WDR81: variants seen among roughly 807,000 people sequenced by gnomAD.
The protein encoded by WDR81 is WD repeat-containing protein 81.
Under a neutral mutation model 140.8 loss-of-function variants are expected in WDR81, and 92 were observed. That is an observed-to-expected ratio of 0.65 (90% CI 0.55 to 0.78). WDR81 has a LOEUF of 0.78. Ranked by LOEUF, WDR81 falls within the 30% of genes least tolerant of loss-of-function variation. The pLI is 0.00. For missense variants in WDR81, 2,502 were observed against 2,636.4 expected, an observed-to-expected ratio of 0.95 and a Z score of 1.12; for synonymous variants, 1,183 against 1,156.4, an observed-to-expected ratio of 1.02 and a Z score of -0.47.
Position 1,725,867 on chromosome 17 carries a change from T to C in WDR81, c.908T>C (p.Leu303Pro). The change falls in exon 1 of 10, where the codon CTG becomes CCG. Residue 303 changes from leucine (L) to proline (P), a missense_variant. Leu to Pro is a moderately conservative substitution (Grantham distance 98). Around this residue, in one of 3 missense-constraint regions of WDR81, gnomAD observed 547 missense variants for 513.8 expected, o/e 1.06. Coordinates refer to ENST00000409644, the MANE Select transcript of WDR81 (RefSeq NM_001163809.2). The part of the protein sequence containing the change: ...EKLCSELRLD[L>P]SAYERPEEDE... ...CTTTGCAGCGAGCTGCGACTGGACCTGAGTGCTTATGAGAGGCCCGAGGAG... is the reference window on the plus strand; with the variant it reads ...CTTTGCAGCGAGCTGCGACTGGACCCGAGTGCTTATGAGAGGCCCGAGGAG... The C allele has an allele frequency of 1.9e-6, 3 of 1,550,728 alleles. No individual in the cohort carries two copies. The highest frequency in any genetic ancestry group is 2.6e-6 in the Non-Finnish European group (3 of 1,146,860).
In WDR81 at chr17:1,727,420, G is replaced by A. The variant is rs572270076; in HGVS notation, c.2461G>A (p.Val821Met). Residue 821 changes from valine (V) to methionine (M), a missense_variant, in exon 1 of 10, where the codon GTG (valine) becomes ATG (methionine). Coordinates refer to ENST00000409644, the MANE Select transcript of WDR81 (RefSeq NM_001163809.2). ...GGAGGTCCCTGTGTCTTTGCAGCCC[G>A]TGCTGGACACACTCCTGCAGATGAG... The part of the protein sequence containing the change: ...PKEVPVSLQP[V>M]LDTLLQMSGP... The A allele has an allele frequency of 2.8e-5, 44 of 1,550,372 alleles. No homozygotes were observed. The South Asian group carries it at 3.1e-4, about 11-fold the overall frequency.
chr17:1,719,472 C>T (rs1914749154), intron 1 of WDR81, among the ~76,000 whole-genome samples: 1 of 151,500 alleles, frequency 6.6e-6, no homozygotes, highest in African/African-American at 2.4e-5. Flanking sequence ...GGCGTGAACC[C>T]AGGAGGCGGA....
At chr17:1,737,305 G>A in intron 9 of WDR81, 60 bp from the exon 10 acceptor site, 1 of 1,499,126 alleles carries the variant, frequency 6.7e-7, no homozygotes, top group Non-Finnish European at 8.9e-7. Context: ...GAAGGCCTTG[G>A]GGCCCAAGGG....
rs764895786 is a variant in WDR81, at chr17:1,730,435, C to T, written c.3723C>T (p.Ala1241=). 3 of 1,613,186 alleles carry T rather than the reference C, an allele frequency of 1.9e-6. No homozygotes were observed. Among genetic ancestry groups the T allele is most frequent in the East Asian group, 4.5e-5 (2 of 44,892 alleles). ...CTGCCAAGCTCGGCCCCACAGTGGC[C>T]TCTCGCCACGTGGCCCGGAACCTGC... ...WLSAKLGPTV[A]SRHVARNLLR... Residue 1241 remains alanine (A), a synonymous_variant, in exon 2 of 10, where the codon GCC becomes GCT. Transcript: ENST00000409644.
At position 1,735,853 on chromosome 17, in the gene WDR81, A is replaced by G; in HGVS notation, c.5325+136A>G. ...GTTTCTCTTTGGTGCTAGATCACCC[A>G]CAGCCACACATCCTGCGGGGCAGGA... On this transcript the variant is annotated intron_variant, in intron 8 of 9. Coordinates refer to ENST00000409644, the MANE Select transcript of WDR81 (RefSeq NM_001163809.2). The surrounding 1 kb of genome is among the most constrained non-coding windows in gnomAD (Gnocchi z 4.2). 1 of 1,377,900 alleles carries G rather than the reference A, an allele frequency of 7.3e-7. No homozygotes were observed. 85.4% of individuals were successfully genotyped at this position (1,377,900 alleles called of 1,614,324 possible).
Position 1,735,902 on chromosome 17 carries a change from G to T in WDR81, c.5326-137G>T, listed in dbSNP as rs574354561. On this transcript the variant is annotated intron_variant, in intron 8 of 9. Transcript: ENST00000409644. The surrounding 1 kb of genome is among the most constrained non-coding windows in gnomAD (Gnocchi z 4.2). ...GACTCTGGCCTGTGATGGGGGTGGG[G>T]TTCTGGGCTTTTCATGCCCCCTGAT... 2.7e-5 allele frequency: 37 copies of T among 1,393,112 alleles called. No individual in the cohort carries two copies. The African/African-American group carries it at 5.3e-4, about 20-fold the overall frequency. The allele number at this position is 1,393,112 out of a possible 1,614,324, so 86.3% of individuals were successfully genotyped here.
In WDR81 at chr17:1,725,390, C is replaced by T. The variant is rs1368406530; in HGVS notation, c.431C>T (p.Ala144Val). 5.8e-6 allele frequency: 9 copies of T among 1,549,476 alleles called. No homozygotes were observed. In the South Asian group the frequency reaches 1.1e-4, roughly 18 times the overall value. ...ACTCGCTTCATGCAGGAGGTTGCCGCCCAGAATTATCGCAACCTGTGGCGC... is the reference window on the plus strand; with the variant it reads ...ACTCGCTTCATGCAGGAGGTTGCCGTCCAGAATTATCGCAACCTGTGGCGC... ...TLTRFMQEVAAQNYRNLWRHA... is the reference protein window; with the variant it reads ...TLTRFMQEVAVQNYRNLWRHA... Residue 144 changes from alanine to valine, a missense_variant, in exon 1 of 10, where the codon GCC (alanine) becomes GTC (valine). This residue lies in a region of WDR81 where 547 missense variants were observed against 513.8 expected (regional missense o/e 1.06). Transcript: ENST00000409644.
chr17:1,731,625 C>T (rs963630081), intron 4 of WDR81, among the ~76,000 whole-genome samples: 4 of 151,818 alleles, frequency 2.6e-5, no homozygotes, highest in East Asian at 1.9e-4. Flanking sequence ...ATATAAAGGC[C>T]GAGCGTGGTG....
Position 1,733,584 on chromosome 17 carries a change from T to C in WDR81, c.4547T>C (p.Leu1516Pro). The change falls in exon 7 of 10, where the codon CTG becomes CCG. Residue 1516 changes from leucine (L) to proline (P), a missense_variant. This residue lies in a region of WDR81 where 1,737 missense variants were observed against 1,843.0 expected (regional missense o/e 0.94). Coordinates refer to ENST00000409644, the MANE Select transcript of WDR81 (RefSeq NM_001163809.2). ...GAGCTGGTTGGGGAGCTGGCGGCGCTGTACTTGGAGAGCATCAGCCCCAGC... is the reference window on the plus strand; with the variant it reads ...GAGCTGGTTGGGGAGCTGGCGGCGCCGTACTTGGAGAGCATCAGCCCCAGC... ...NHELVGELAALYLESISPSSR... is the reference protein window; with the variant it reads ...NHELVGELAAPYLESISPSSR... 1 of 1,541,306 alleles carries C rather than the reference T, an allele frequency of 6.5e-7. No individual in the cohort carries two copies. The highest frequency in any genetic ancestry group is 8.7e-7 in the Non-Finnish European group (1 of 1,144,688).
Position 1,726,934 on chromosome 17 carries a change from T to C in WDR81, c.1975T>C (p.Leu659=). The C allele has an allele frequency of 6.4e-7, 1 of 1,550,400 alleles. No homozygotes were observed. The highest frequency in any genetic ancestry group is 8.7e-7 in the Non-Finnish European group (1 of 1,146,970). ...CAGGCCGGTGGCAGGAGAAGACGAC[T>C]TGGAACAGGCCACAGAAGCTCTGGA... is the stretch of plus-strand genomic sequence containing the variant. ...RDRPVAGEDD[L]EQATEALDSI... The change falls in exon 1 of 10, where the codon TTG becomes CTG. Residue 659 remains leucine (L), a synonymous_variant. Coordinates refer to ENST00000409644, the MANE Select transcript of WDR81 (RefSeq NM_001163809.2).
chr17:1,727,180 T>G lies in WDR81; in HGVS notation c.2221T>G (p.Leu741Val), dbSNP rs1450449127. The G allele has an allele frequency of 6.5e-7, 1 of 1,548,488 alleles. No homozygotes were observed. ...GGAGCTGGAGAAAACGGGCAACTTC[T>G]TGGCCAAAGGCCTAGGGGGCCTGTT... ...LEELEKTGNF[L>V]AKGLGGLLEV... Residue 741 changes from leucine to valine, a missense_variant, in exon 1 of 10, where the codon TTG (leucine) becomes GTG (valine). By Grantham distance (32) the Leu-to-Val change is conservative. Around this residue, in one of 3 missense-constraint regions of WDR81, gnomAD observed 1,737 missense variants for 1,843.0 expected, o/e 0.94. Coordinates refer to ENST00000409644, the MANE Select transcript of WDR81 (RefSeq NM_001163809.2).
rs1369126635 is a variant in WDR81 at position 1,735,939 on chromosome 17, G to A, written c.5326-100G>A. 1.3e-6 allele frequency: 2 copies of A among 1,484,954 alleles called. No individual in the cohort carries two copies. Among genetic ancestry groups the A allele is most frequent in the Non-Finnish European group, 1.8e-6 (2 of 1,115,632 alleles). 92.0% of individuals were successfully genotyped at this position (1,484,954 alleles called of 1,614,324 possible). ...TCATGCCCCCTGATGAGGGTCAGAGGCTCAGGCCTTCCTGCTGTGTGGGCT... is the reference window on the plus strand; with the variant it reads ...TCATGCCCCCTGATGAGGGTCAGAGACTCAGGCCTTCCTGCTGTGTGGGCT... On this transcript the variant is annotated intron_variant, in intron 8 of 9. Transcript: ENST00000409644. The surrounding 1 kb of genome is among the most constrained non-coding windows in gnomAD (Gnocchi z 4.2).
intron 1 of WDR81, among the ~76,000 whole-genome samples, chr17:1,717,352 C>G (rs931416227): frequency 3.3e-5 from 5 of 152,208 alleles, no homozygotes; most frequent in Non-Finnish European, 7.3e-5. Context: ...TTATCAATCC[C>G]CGCAAGTCCC....
At chr17:1,736,611 G>A (rs935130054) in intron 9 of WDR81, among the ~76,000 whole-genome samples, 5 of 152,212 alleles carry the variant, frequency 3.3e-5, no homozygotes, top group Admixed American at 6.5e-5. Flanking sequence ...TTTACTGCCT[G>A]TAGACCGCTG....
chr17:1,733,821 G>A lies in WDR81; in HGVS notation c.4784G>A (p.Ser1595Asn). Residue 1595 changes from serine to asparagine, a missense_variant, in exon 7 of 10, where the codon AGC becomes AAC. Transcript: ENST00000409644. The stretch of plus-strand genomic sequence containing the variant: ...GGGGTGGGTGGCGGGGGCCTGGGCA[G>A]CGGGAGCGACGACAACGCCCTGAAG... ...ISGVGGGGLG[S>N]GSDDNALKQE... 6.2e-7 allele frequency: 1 copy of A among 1,612,372 alleles called. No individual in the cohort carries two copies.
intron 1 of WDR81, among the ~76,000 whole-genome samples, chr17:1,717,545 A>C (rs1914643046): frequency 6.6e-6 from 1 of 152,212 alleles, no homozygotes; most frequent in Admixed American, 6.5e-5. Flanking sequence ...TGCGTTCAGG[A>C]CATTGCGCCT....
rs969993780 is a variant in WDR81 at position 1,727,937 on chromosome 17, T to C, written c.2978T>C (p.Val993Ala). 4.0e-5 allele frequency: 62 copies of C among 1,550,288 alleles called. No individual in the cohort carries two copies. Among genetic ancestry groups the C allele is most frequent in the Admixed American group, 5.9e-5 (3 of 50,990 alleles). The change falls in exon 1 of 10, where the codon GTG (valine) becomes GCG (alanine). Residue 993 changes from valine (V) to alanine (A), a missense_variant. Val to Ala is a moderately conservative substitution (Grantham distance 64). Coordinates refer to ENST00000409644, the MANE Select transcript of WDR81 (RefSeq NM_001163809.2). The stretch of plus-strand genomic sequence containing the variant: ...GACTGCTTTGTGGCCCAGCTGATGG[T>C]GCGGCTGGGCCTGCAGGCATTTCTC... ...YTDCFVAQLM[V>A]RLGLQAFLTH...
chr17:1,729,519 C>G (rs563187081), intron 1 of WDR81, among the ~76,000 whole-genome samples: 14 of 152,046 alleles, frequency 9.2e-5, no homozygotes, highest in African/African-American at 3.1e-4. Context: ...ATCTAGTTTT[C>G]AAGGGTCAGA....
At chr17:1,716,669 G>T in intron 1 of WDR81, 1 of 1,550,798 alleles carries the variant, frequency 6.4e-7, no homozygotes, top group Middle Eastern at 1.7e-4. Context: ...TCGGAATCCA[G>T]CCCGGGGAAG....
Sources: gnomAD v4.1 joint callset for allele counts (sites outside exome capture counted in the v4.1 genomes callset) on GRCh38, gnomAD v4.1.1 for gene constraint, gnomAD v4.1.1 regional missense constraint, Gnocchi (gnomAD v3.1) non-coding constraint, MANE v1.5 for transcripts, NCBI Gene and HGNC (gene_info 2026-07-23, HGNC 2026-07-21) for gene names.